Variants in RNF220 observed in about 807,000 individuals in gnomAD.
RNF220 encodes E3 ubiquitin-protein ligase RNF220.
A neutral mutation model predicts 67.1 loss-of-function variants in RNF220; 7 were observed. The ratio of observed to expected loss-of-function variants is 0.10; its 90% CI spans 0.06 to 0.20. RNF220 has a LOEUF of 0.20. RNF220 is among the 10% of genes least tolerant of loss of function. The pLI, the probability that RNF220 is intolerant of heterozygous loss-of-function variation, is 1.00. For missense variants in RNF220, 565 were observed against 740.3 expected (o/e 0.76, Z 2.75); for synonymous variants, 270 against 283.2 (o/e 0.95, Z 0.47).
At chr1:44,473,512 T>A (rs1460877084) in intron 2 of RNF220, among the ~76,000 whole-genome samples, 1 of 147,986 alleles carries the variant, frequency 6.8e-6, no homozygotes, top group Non-Finnish European at 1.5e-5. Context: ...GCGGGGCGGG[T>A]CTCAGAAATC....
intron 2 of RNF220, among the ~76,000 whole-genome samples, chr1:44,420,248 T>C (rs1318591081): frequency 6.6e-6 from 1 of 152,228 alleles, no homozygotes; most frequent in Admixed American, 6.5e-5. Context: ...TCTGGAGCTA[T>C]GTGAGTGAAG....
chr1:44,639,499 A>T (rs1644426996), intron 8 of RNF220, among the ~76,000 whole-genome samples: 1 of 152,246 alleles, frequency 6.6e-6, no homozygotes, highest in Non-Finnish European at 1.5e-5. Flanking sequence ...AGGAAATGGA[A>T]GCCTGCAGCT....
At chr1:44,443,581 C>T (rs543704728) in intron 2 of RNF220, among the ~76,000 whole-genome samples, 4 of 152,356 alleles carry the variant, frequency 2.6e-5, no homozygotes, top group South Asian at 4.1e-4. Flanking sequence ...TTCAGCCTCC[C>T]GTTCCAGGCT....
rs777739523 is a variant in RNF220 at position 44,565,238 on chromosome 1, C to G, written c.626-48927C>G. On this transcript the variant is annotated intron_variant, in intron 2 of 14. Coordinates refer to ENST00000361799, the MANE Select transcript of RNF220 (RefSeq NM_018150.4). This position sits in a 1 kb window ranked among gnomAD's most constrained non-coding sequence, Gnocchi z 4.2. ...GAATTATAGCAGTTCACCACTGAAC[C>G]AGGAGAATAAGGCCAGTTGGGTACC... Among the ~76,000 whole-genome samples, 3 of 145,162 alleles carry G rather than the reference C, an allele frequency of 2.1e-5. No individual in the cohort carries two copies. Among genetic ancestry groups the G allele is most frequent in the Non-Finnish European group, 4.5e-5 (3 of 66,920 alleles).
chr1:44,645,048 A>G lies in RNF220; in HGVS notation c.1277A>G (p.Lys426Arg). 6.2e-7 allele frequency: 1 copy of G among 1,614,132 alleles called. No homozygotes were observed. The highest frequency in any genetic ancestry group is 8.5e-7 in the Non-Finnish European group (1 of 1,180,010). The change falls in exon 10 of 15, where the codon AAG (lysine) becomes AGG (arginine). Residue 426 changes from lysine to arginine, a missense_variant. Physicochemically the swap from Lys to Arg is conservative, Grantham distance 26 (BLOSUM62 2). Transcript: ENST00000361799. This position sits in a 1 kb window ranked among gnomAD's most constrained non-coding sequence, Gnocchi z 5.0. ...PCTGEEPGEAKEREALRGAVL... is the reference protein window; with the variant it reads ...PCTGEEPGEAREREALRGAVL... ...ACAGGCGAGGAGCCTGGTGAAGCCA[A>G]GGAGAGAGAGGCACTTCGGGGCGCA...
At chr1:44,435,626 T>G (rs1195789452) in intron 2 of RNF220, among the ~76,000 whole-genome samples, 3 of 152,116 alleles carry the variant, frequency 2.0e-5, no homozygotes, top group Non-Finnish European at 4.4e-5. Context: ...AATTGGATTT[T>G]CAAGTCTAAA....
At chr1:44,542,664 CCGT>C (rs1413252468) in intron 2 of RNF220, among the ~76,000 whole-genome samples, 5 of 152,154 alleles carry the variant, frequency 3.3e-5, no homozygotes, top group African/African-American at 1.2e-4. Flanking sequence ...TCAGGGTGAT[CCGT>C]AACTCACTCT....
At chr1:44,615,397 A>G (rs1573052852) in intron 3 of RNF220, among the ~76,000 whole-genome samples, 1 of 152,176 alleles carries the variant, frequency 6.6e-6, no homozygotes. Context: ...AAATTGTAGA[A>G]ACGTATGTGG....
In RNF220 at chr1:44,531,803, G is replaced by A. The variant is rs1480192101; in HGVS notation, c.626-82362G>A. 2.0e-4 allele frequency among the ~76,000 whole-genome samples: 30 copies of A among 152,184 alleles called. 1 individual carries two copies. Among genetic ancestry groups the A allele is most frequent in the Admixed American group, 1.9e-3 (29 of 15,282 alleles). ...CACTGCTTGAATACCTCTTATGAGG[G>A]GGAGCTCATTATTCTTCAAAGCAGT... On this transcript the variant is annotated intron_variant, in intron 2 of 14. Transcript: ENST00000361799.
chr1:44,546,516 T>C (rs1297996689), intron 2 of RNF220, among the ~76,000 whole-genome samples: 2 of 152,186 alleles, frequency 1.3e-5, no homozygotes, highest in Non-Finnish European at 1.5e-5. Flanking sequence ...TTGGAAGCCA[T>C]TGTTTACAGA....
intron 2 of RNF220, among the ~76,000 whole-genome samples, chr1:44,481,336 G>T (rs1463327745): frequency 6.6e-6 from 1 of 152,030 alleles, no homozygotes; most frequent in Non-Finnish European, 1.5e-5. Context: ...GAGGCAGGGG[G>T]AATCACTTGA....
chr1:44,416,834 T>G (rs1300147867), intron 2 of RNF220, among the ~76,000 whole-genome samples: 1 of 152,234 alleles, frequency 6.6e-6, no homozygotes, highest in Non-Finnish European at 1.5e-5. Context: ...ATCTTTGATG[T>G]ACTTGAACAG....
intron 2 of RNF220, among the ~76,000 whole-genome samples, chr1:44,492,996 A>T (rs1656992647): frequency 2.6e-5 from 4 of 151,674 alleles, no homozygotes; most frequent in Admixed American, 2.6e-4. Context: ...GGGCTCAAGC[A>T]TTCTTCTTGC....
At chr1:44,477,381 G>C (rs1051677516) in intron 2 of RNF220, among the ~76,000 whole-genome samples, 1 of 152,128 alleles carries the variant, frequency 6.6e-6, no homozygotes, top group African/African-American at 2.4e-5. Flanking sequence ...TAGAATAATA[G>C]GGTGATCTAT....
intron 2 of RNF220, among the ~76,000 whole-genome samples, chr1:44,542,894 C>T (rs943793380): frequency 2.0e-4 from 30 of 151,780 alleles, no homozygotes; most frequent in Non-Finnish European, 1.9e-4. Flanking sequence ...GGCTGGGGGC[C>T]GGAGGGTCTG....
chr1:44,516,676 A>G (rs1346086086), intron 2 of RNF220, among the ~76,000 whole-genome samples: 3 of 151,956 alleles, frequency 2.0e-5, no homozygotes, highest in Non-Finnish European at 4.4e-5. Flanking sequence ...AAGGAAACCA[A>G]TATTTATGGA....
chr1:44,522,730 A>G (rs1257839571), intron 2 of RNF220, among the ~76,000 whole-genome samples: 2 of 152,198 alleles, frequency 1.3e-5, no homozygotes, highest in Non-Finnish European at 2.9e-5. Context: ...ATCTTTGACT[A>G]GTATACCCAT....
chr1:44,413,112 G>A (rs533282557), intron 2 of RNF220, among the ~76,000 whole-genome samples: 22 of 152,188 alleles, frequency 1.4e-4, no homozygotes, highest in African/African-American at 3.4e-4. Flanking sequence ...TGCTGTCCTC[G>A]TTATGTTTGT....
At chr1:44,515,204 C>T (rs1201807373) in intron 2 of RNF220, among the ~76,000 whole-genome samples, 1 of 152,178 alleles carries the variant, frequency 6.6e-6, no homozygotes, top group East Asian at 1.9e-4. Context: ...CAGGAGGTTT[C>T]AAGACCACTA....
Sources: allele counts gnomAD v4.1 joint callset (sites outside exome capture counted in the v4.1 genomes callset), GRCh38; gene constraint gnomAD v4.1.1; non-coding constraint Gnocchi (gnomAD v3.1); transcripts MANE v1.5; gene names NCBI Gene and HGNC (gene_info 2026-07-23, HGNC 2026-07-21).